Variants in POLD2 observed in about 807,000 individuals in gnomAD.
POLD2 encodes DNA polymerase delta 2, accessory subunit.
POLD2 carries 31 observed loss-of-function variants against 48.8 expected under a neutral mutation model. The observed-to-expected ratio is 0.64, with a 90% CI of 0.48 to 0.86. The LOEUF is 0.86. Ranked by LOEUF, POLD2 falls within the 40% of genes least tolerant of loss-of-function variation. POLD2 has a pLI of 0.00. For missense variants in POLD2, 455 were observed against 610.1 expected (o/e 0.75, Z 2.68); for synonymous variants, 233 against 256.3 (o/e 0.91, Z 0.87).
At position 44,116,547 on chromosome 7, in the gene POLD2, G is replaced by T. The variant is rs3087367; in HGVS notation, c.781-37C>A. ...GCCCAGAAGGCCATCAGGCCCAGGC[G>T]AGTCCCAGGCTCAGAGGAGAGTAGA... On this transcript the variant is annotated intron_variant, in intron 6 of 10. Coordinates refer to ENST00000610533, the MANE Select transcript of POLD2 (RefSeq NM_006230.4). This position sits in a 1 kb window ranked among gnomAD's most constrained non-coding sequence, Gnocchi z 6.1. 6.6e-7 allele frequency: 1 copy of T among 1,506,528 alleles called. No individual in the cohort carries two copies. The highest frequency in any genetic ancestry group is 1.4e-5 in the African/African-American group (1 of 72,164). The allele number at this position is 1,506,528 out of a possible 1,614,324, so 93.3% of individuals were successfully genotyped here. A position where few individuals can be genotyped will look rare whatever the true frequency, so the allele number is the denominator to read the frequency against.
In POLD2 at chr7:44,116,418, C is replaced by T; in HGVS notation, c.861+12G>A. The stretch of plus-strand genomic sequence containing the variant: ...CAATCCCCATCACCCCTCCAGCCCC[C>T]AGCTCGCTCACGCTCAGCTGCAGGA... On this transcript the variant is annotated intron_variant, in intron 7 of 10. Transcript: ENST00000610533. This position sits in a 1 kb window ranked among gnomAD's most constrained non-coding sequence, Gnocchi z 6.1. 1 of 1,574,912 alleles carries T rather than the reference C, an allele frequency of 6.3e-7. No homozygotes were observed. Among genetic ancestry groups the T allele is most frequent in the South Asian group, 1.2e-5 (1 of 86,438 alleles).
chr7:44,117,112 C>T, intron 5 of POLD2, 21 bp downstream of exon 5: 1 of 1,611,874 alleles, frequency 6.2e-7, no homozygotes, highest in South Asian at 1.1e-5. Flanking sequence ...CTGGTTCCAG[C>T]TCCCGAGAAC....
At chr7:44,123,790 G>T (rs575999947), upstream of POLD2, 21 of 1,119,100 alleles carry the variant, frequency 1.9e-5, no homozygotes, top group East Asian at 5.5e-4. Flanking sequence ...GCGCGTGCAG[G>T]GGTTGGGCTG....
chr7:44,114,732 A>G lies in POLD2; in HGVS notation c.*53T>C. On this transcript the variant is annotated 3_prime_UTR_variant, in exon 11 of 11. Transcript: ENST00000610533. ...GCTTTATTTACAATGCCGACACTGC[A>G]GGGAATGAACAGCCTCCATCTGGGC... The G allele has an allele frequency of 2.6e-6, 4 of 1,539,588 alleles. No homozygotes were observed. Among genetic ancestry groups the G allele is most frequent in the Admixed American group, 1.8e-5 (1 of 54,294 alleles).
chr7:44,120,250 G>A (rs568830282), intron 2 of POLD2, among the ~76,000 whole-genome samples: 18 of 152,208 alleles, frequency 1.2e-4, no homozygotes, highest in South Asian at 2.1e-4. Context: ...CAGTGAAATC[G>A]CTATCGTCCA....
chr7:44,123,645 A>G (rs1161592066), upstream of POLD2: 27 of 1,383,044 alleles, frequency 2.0e-5, no homozygotes, highest in Non-Finnish European at 2.4e-5. Context: ...GTCCGTCACC[A>G]GGCGCCTCAT....
At position 44,116,309 on chromosome 7, in the gene POLD2, C is replaced by T. The variant is rs756675019; in HGVS notation, c.862-37G>A. On this transcript the variant is annotated intron_variant, in intron 7 of 10. Transcript: ENST00000610533. This position sits in a 1 kb window ranked among gnomAD's most constrained non-coding sequence, Gnocchi z 6.1. ...AGGGCAGGGAGAGCTCACAGGGCCC[C>T]GAAGGAGCCCCCTACACCAACTCCG... 38 of 1,596,206 alleles carry T rather than the reference C, an allele frequency of 2.4e-5. No individual in the cohort carries two copies. Among genetic ancestry groups the T allele is most frequent in the Admixed American group, 1.2e-4 (7 of 58,952 alleles).
upstream of POLD2, chr7:44,123,671 GCGCCCAGTCCCTGGGA>G (rs1583572931): frequency 3.6e-6 from 5 of 1,374,516 alleles, no homozygotes; most frequent in East Asian, 3.1e-5. Context: ...CGACCACTGT[GCGCCCAGTCCCTGGGA>G]CGCCCAGAGA....
Position 44,116,830 on chromosome 7 carries a change from T to G in POLD2, c.767A>C (p.Asp256Ala), listed in dbSNP as rs751180590. The G allele has an allele frequency of 6.2e-7, 1 of 1,613,722 alleles. No individual in the cohort carries two copies. The highest frequency in any genetic ancestry group is 2.2e-5 in the East Asian group (1 of 44,872). ...TGGGCTCCATACCTTATTGATAGAA[T>G]CCCTGCTCTGGGTGCTGTGGCTGAG... ...NLLSHSTQSRDSINKAKYLTK... is the reference protein window; with the variant it reads ...NLLSHSTQSRASINKAKYLTK... Residue 256 changes from aspartate to alanine, a missense_variant, in exon 6 of 11, where the codon GAT becomes GCT. Around this residue, in one of 3 missense-constraint regions of POLD2, gnomAD observed 349 missense variants for 437.4 expected, o/e 0.80. Transcript: ENST00000610533. The surrounding 1 kb of genome is among the most constrained non-coding windows in gnomAD (Gnocchi z 6.1).
Position 44,116,660 on chromosome 7 carries a change from G to A in POLD2, c.781-150C>T, listed in dbSNP as rs2096240152. 2 of 1,011,260 alleles carry A rather than the reference G, an allele frequency of 2.0e-6. No individual in the cohort carries two copies. The highest frequency in any genetic ancestry group is 3.0e-6 in the Non-Finnish European group (2 of 677,502). 62.6% of individuals were successfully genotyped at this position (1,011,260 alleles called of 1,614,324 possible). On this transcript the variant is annotated intron_variant, in intron 6 of 10. Coordinates refer to ENST00000610533, the MANE Select transcript of POLD2 (RefSeq NM_006230.4). The surrounding 1 kb of genome is among the most constrained non-coding windows in gnomAD (Gnocchi z 6.1). ...CCATCCTCAGCGAGGGCCTGGGCAT[G>A]AGGAGCCCCATTGCAGGAGGCCCCA...
rs1251023131 is a variant in POLD2 at position 44,116,439 on chromosome 7, CAGG to C, written c.849_851del (p.Leu284del). Reference sequence around the variant, plus strand: ...CCCCCAGCTCGCTCACGCTCAGCTGCAGGAGGATCTCATCCAGCATCTTAACAG... The same window carrying C: ...CCCCCAGCTCGCTCACGCTCAGCTGCAGGATCTCATCCAGCATCTTAACAG... On this transcript the variant is annotated inframe_deletion, in exon 7 of 11. Coordinates refer to ENST00000610533, the MANE Select transcript of POLD2 (RefSeq NM_006230.4). This position sits in a 1 kb window ranked among gnomAD's most constrained non-coding sequence, Gnocchi z 6.1. 6.3e-7 allele frequency: 1 copy of C among 1,579,300 alleles called. No homozygotes were observed. The highest frequency in any genetic ancestry group is 8.6e-7 in the Non-Finnish European group (1 of 1,162,056).
chr7:44,115,503 C>G, intron 9 of POLD2, 107 bp from the exon 10 acceptor site: 1 of 814,150 alleles, frequency 1.2e-6, no homozygotes, highest in Non-Finnish European at 2.1e-6. Flanking sequence ...GTAGGAGACC[C>G]CCAGTGTGAC....
Position 44,118,188 on chromosome 7 carries a change from C to T in POLD2, c.221-124G>A, listed in dbSNP as rs2096243344. On this transcript the variant is annotated intron_variant, in intron 2 of 10. Coordinates refer to ENST00000610533, the MANE Select transcript of POLD2 (RefSeq NM_006230.4). ...GGGCCCTGGCCTTGCCAGGAGAGAA[C>T]ATCAAGTACAAGGACCCCCTGGACT... 5.2e-6 allele frequency: 6 copies of T among 1,143,330 alleles called. No homozygotes were observed. The African/African-American group carries it at 6.3e-5, about 12-fold the overall frequency. The allele number at this position is 1,143,330 out of a possible 1,614,324, so 70.8% of individuals were successfully genotyped here.
chr7:44,115,483 T>G, intron 9 of POLD2, 87 bp from the exon 10 acceptor site: 1 of 918,574 alleles, frequency 1.1e-6, no homozygotes, highest in South Asian at 1.3e-5. Flanking sequence ...CCTCCTCCCA[T>G]TGCAGGCCAG....
intron 4 of POLD2, 96 bp downstream of exon 4, chr7:44,117,523 C>T (rs55995853): frequency 1.4e-6 from 2 of 1,462,078 alleles, no homozygotes; most frequent in Admixed American, 2.0e-5. Flanking sequence ...GCCACACCCC[C>T]CCACTCCCCC....
chr7:44,123,822 TG>T (rs780811000), upstream of POLD2, among the ~76,000 whole-genome samples: 21 of 152,144 alleles, frequency 1.4e-4, no homozygotes, highest in Non-Finnish European at 2.4e-4. Flanking sequence ...CGGCCTCCAG[TG>T]GGCTGACCGC....
intron 2 of POLD2, 153 bp from the exon 3 acceptor site, chr7:44,118,217 C>G (rs907587834): frequency 1.2e-6 from 1 of 851,462 alleles, no homozygotes; most frequent in Non-Finnish European, 1.8e-6. Flanking sequence ...CTGGACTTCA[C>G]GGTGACAGTA....
At chr7:44,118,549 G>A (rs2068772587) in intron 2 of POLD2, among the ~76,000 whole-genome samples, 1 of 152,252 alleles carries the variant, frequency 6.6e-6, no homozygotes, top group Non-Finnish European at 1.5e-5. Context: ...GAGTCTCGCT[G>A]TCATCCAGGC....
chr7:44,118,537 C>T (rs1346204918), intron 2 of POLD2, among the ~76,000 whole-genome samples: 3 of 152,160 alleles, frequency 2.0e-5, no homozygotes, highest in African/African-American at 4.8e-5. Context: ...TGTTTTGAGG[C>T]GGAGTCTCGC....
Sources: allele counts gnomAD v4.1 joint callset (sites outside exome capture counted in the v4.1 genomes callset), GRCh38; gene constraint gnomAD v4.1.1; regional missense constraint gnomAD v4.1.1; non-coding constraint Gnocchi (gnomAD v3.1); transcripts MANE v1.5; gene names NCBI Gene and HGNC (gene_info 2026-07-23, HGNC 2026-07-21).